Variants in CR1 observed in about 807,000 individuals in gnomAD.
CR1 encodes the protein complement receptor type 1.
A neutral mutation model predicts 187.3 loss-of-function variants in CR1; 116 were observed. The ratio of observed to expected loss-of-function variants is 0.62; its 90% CI spans 0.53 to 0.72. The LOEUF (loss-of-function observed/expected upper bound fraction) is 0.72. Ranked by LOEUF, CR1 falls within the 30% of genes least tolerant of loss-of-function variation. The pLI is 0.00. For missense variants in CR1, 1,731 were observed against 2,110.7 expected (o/e 0.82, Z 3.52); for synonymous variants, 576 against 747.1 (o/e 0.77, Z 3.73).
chr1:207,633,686 C>CT (rs1158280083), intron 46 of CR1, among the ~76,000 whole-genome samples: 1 of 152,202 alleles, frequency 6.6e-6, no homozygotes, highest in Non-Finnish European at 1.5e-5. Context: ...TCCCCAATCT[C>CT]TGAGTATAAT....
chr1:207,613,262 C>G (rs1044475873), intron 39 of CR1, among the ~76,000 whole-genome samples: 8 of 152,298 alleles, frequency 5.3e-5, no homozygotes, highest in Admixed American at 3.3e-4. Flanking sequence ...GGGTCATTCT[C>G]TCTCTCAGCG....
intron 31 of CR1, among the ~76,000 whole-genome samples, chr1:207,581,126 G>C (rs963233790): frequency 6.6e-6 from 1 of 151,696 alleles, no homozygotes; most frequent in Non-Finnish European, 1.5e-5. Context: ...GTATACATAC[G>C]TATACATATG....
intron 33 of CR1, among the ~76,000 whole-genome samples, chr1:207,585,186 C>T (rs999808325): frequency 5.9e-5 from 9 of 152,110 alleles, no homozygotes; most frequent in African/African-American, 1.2e-4. Flanking sequence ...TCACTGGAGA[C>T]GACATGAAAA....
At chr1:207,502,511 C>T (rs765698011) in intron 1 of CR1, among the ~76,000 whole-genome samples, 4 of 151,938 alleles carry the variant, frequency 2.6e-5, no homozygotes, top group Non-Finnish European at 4.4e-5. Flanking sequence ...GATAAAATTG[C>T]GTCACATAGA....
rs1208834412 is a variant in CR1 at position 207,510,143 on chromosome 1, G to T, written c.402-1426G>T. On this transcript the variant is annotated intron_variant, in intron 3 of 46. Coordinates refer to ENST00000367049, the MANE Select transcript of CR1 (RefSeq NM_000651.6). ...AATCTCTTGAATCCGGGAGGTGGAGGTTGCAGTGAGCCAAGATCGCACCAT... is the reference window on the plus strand; with the variant it reads ...AATCTCTTGAATCCGGGAGGTGGAGTTTGCAGTGAGCCAAGATCGCACCAT... 3.3e-5 allele frequency among the ~76,000 whole-genome samples: 5 copies of T among 152,188 alleles called. No homozygotes were observed. The East Asian group carries it at 7.7e-4, about 24-fold the overall frequency.
chr1:207,620,181 A>G (rs1346075754), intron 43 of CR1, 116 bp downstream of exon 43: 1 of 1,041,734 alleles, frequency 9.6e-7, no homozygotes, highest in Non-Finnish European at 1.4e-6. Flanking sequence ...TGAGCTATAG[A>G]GTACAATATG....
At chr1:207,575,450 A>G in intron 27 of CR1, 145 bp from the exon 28 acceptor site, 1 of 989,518 alleles carries the variant, frequency 1.0e-6, no homozygotes, top group South Asian at 1.5e-5. Context: ...AAAAAGAAAT[A>G]GAAGAGCTGG....
chr1:207,582,062 T>G, intron 32 of CR1, 59 bp downstream of exon 32: 1 of 1,289,028 alleles, frequency 7.8e-7, no homozygotes, highest in East Asian at 2.5e-5. Context: ...TAATATAGTT[T>G]GCCCCATGGG....
chr1:207,589,276 C>G (rs1661199505), intron 35 of CR1, among the ~76,000 whole-genome samples: 1 of 152,066 alleles, frequency 6.6e-6, no homozygotes, highest in African/African-American at 2.4e-5. Context: ...GACAAGTAGC[C>G]ACACCAAAAG....
intron 40 of CR1, 28 bp downstream of exon 40, chr1:207,614,517 A>G (rs745669782): frequency 1.3e-6 from 2 of 1,586,916 alleles, no homozygotes; most frequent in Non-Finnish European, 8.6e-7. Context: ...TGTAGTTTGG[A>G]TAGCTCTCCT....
intron 36 of CR1, among the ~76,000 whole-genome samples, chr1:207,608,768 G>A (rs975167953): frequency 1.3e-5 from 2 of 152,138 alleles, no homozygotes; most frequent in African/African-American, 4.8e-5. Flanking sequence ...GTGTGTATAT[G>A]TGTGTAGTCA....
At chr1:207,575,767 C>T in intron 28 of CR1, 87 bp downstream of exon 28, 1 of 1,585,276 alleles carries the variant, frequency 6.3e-7, no homozygotes, top group Non-Finnish European at 8.7e-7. Context: ...TCTCATCCCT[C>T]TTGGAAATGG....
chr1:207,572,467 A>G (rs1036272762), intron 27 of CR1, among the ~76,000 whole-genome samples: 2 of 151,954 alleles, frequency 1.3e-5, no homozygotes, highest in Non-Finnish European at 2.9e-5. Context: ...AATCTTTAGT[A>G]TTTTTTATCA....
intron 1 of CR1, 73 bp from the exon 2 acceptor site, chr1:207,505,831 G>A (rs1040171648): frequency 1.5e-4 from 228 of 1,515,688 alleles, no homozygotes; most frequent in East Asian, 4.5e-4. Context: ...GCCAGTCTCC[G>A]TCTCAAAAAA....
intron 5 of CR1, among the ~76,000 whole-genome samples, chr1:207,524,899 A>G (rs1261070735): frequency 6.6e-6 from 1 of 151,982 alleles, no homozygotes; most frequent in Admixed American, 6.6e-5. Flanking sequence ...ACATTCCTAT[A>G]AAAAACTACT....
chr1:207,600,685 C>T (rs181836550), intron 35 of CR1: 1 of 152,204 alleles, frequency 6.6e-6, no homozygotes, highest in East Asian at 1.9e-4. Flanking sequence ...TCTTCTAAGT[C>T]CTTTACTTGA....
Position 207,612,057 on chromosome 1 carries a change from C to A in CR1, c.6575+16C>A, listed in dbSNP as rs1157544683. 1 of 1,610,322 alleles carries A rather than the reference C, an allele frequency of 6.2e-7. No homozygotes were observed. The highest frequency in any genetic ancestry group is 1.1e-5 in the South Asian group (1 of 90,994). ...GCGATGAAGGGTGAGTGTGACCCAGCGTTGAGACCAAGGACTCAGTGTGGA... is the reference window on the plus strand; with the variant it reads ...GCGATGAAGGGTGAGTGTGACCCAGAGTTGAGACCAAGGACTCAGTGTGGA... On this transcript the variant is annotated intron_variant, in intron 39 of 46. Transcript: ENST00000367049.
At chr1:207,575,781 C>T in intron 28 of CR1, 101 bp downstream of exon 28, 6 of 1,558,924 alleles carry the variant, frequency 3.8e-6, no homozygotes, top group Middle Eastern at 2.3e-4. Flanking sequence ...GAAATGGTAT[C>T]CTTCTGATAT....
intron 3 of CR1, among the ~76,000 whole-genome samples, chr1:207,508,805 A>C (rs1186899378): frequency 6.6e-6 from 1 of 152,138 alleles, no homozygotes. Flanking sequence ...GGAGCAATAA[A>C]GTAATCTTCC....
Sources: allele counts gnomAD v4.1 joint callset (sites outside exome capture counted in the v4.1 genomes callset), GRCh38; gene constraint gnomAD v4.1.1; transcripts MANE v1.5; gene names NCBI Gene and HGNC (gene_info 2026-07-23, HGNC 2026-07-21).